The following LRRC37A2 variants were observed in gnomAD, a reference collection of about 807,000 sequenced individuals.
LRRC37A2 encodes leucine rich repeat containing 37 member A2.
LRRC37A2 carries 9 observed loss-of-function variants against 68.8 expected under a neutral mutation model. The ratio of observed to expected loss-of-function variants is 0.13; its 90% CI spans 0.08 to 0.23. The LOEUF is 0.23. Among genes scored for constraint, LRRC37A2 ranks in the 10% least tolerant of loss-of-function variants. The pLI is 1.00. For missense variants in LRRC37A2, 168 were observed against 950.4 expected (o/e 0.18, Z 10.82); for synonymous variants, 63 against 367.6 (o/e 0.17, Z 9.48).
At chr17:46,846,887 A>G in the LRRC37A2 span, among the ~76,000 whole-genome samples, 3 of 152,140 alleles carry the variant, frequency 2.0e-5, no homozygotes, top group African/African-American at 7.2e-5. Context: ...CCAAGATAGG[A>G]CAGGGGCCCT....
the LRRC37A2 span, among the ~76,000 whole-genome samples, chr17:46,766,823 T>G: frequency 2.0e-5 from 3 of 152,288 alleles, no homozygotes; most frequent in East Asian, 5.8e-4. Flanking sequence ...TTTCACAGGC[T>G]GCTCTCGCCC....
the LRRC37A2 span, among the ~76,000 whole-genome samples, chr17:46,800,836 G>A: frequency 1.3e-5 from 2 of 152,182 alleles, no homozygotes; most frequent in Non-Finnish European, 2.9e-5. Flanking sequence ...AAGGGCCTTT[G>A]CTGGGGCCGC....
At chr17:46,738,961 C>T in the LRRC37A2 span, among the ~76,000 whole-genome samples, 8 of 151,834 alleles carry the variant, frequency 5.3e-5, no homozygotes, top group African/African-American at 1.9e-4. Flanking sequence ...AAAGTCCAGG[C>T]ACGGTGGCTC....
the LRRC37A2 span, chr17:46,941,029 G>A: frequency 1.8e-6 from 2 of 1,095,678 alleles, no homozygotes; most frequent in Non-Finnish European, 2.2e-6. Flanking sequence ...TGAATTCTTA[G>A]GTCGAGCTGA....
At chr17:47,028,313 C>G in the LRRC37A2 span, 6 of 1,512,960 alleles carry the variant, frequency 4.0e-6, no homozygotes, top group Admixed American at 6.7e-5. Context: ...CAGAACTCAG[C>G]TTTGGAACAT....
the LRRC37A2 span, among the ~76,000 whole-genome samples, chr17:46,891,492 T>A: frequency 2.0e-5 from 3 of 152,286 alleles, no homozygotes; most frequent in East Asian, 3.9e-4. Context: ...CCCCACCATC[T>A]GCAACGTCCT....
chr17:46,649,525 T>G, the LRRC37A2 span, among the ~76,000 whole-genome samples: 2 of 151,458 alleles, frequency 1.3e-5, no homozygotes, highest in African/African-American at 4.9e-5. Context: ...CCATGACTCC[T>G]GAAGTGAAGC....
At chr17:46,978,651 C>T in the LRRC37A2 span, 1 of 1,603,388 alleles carries the variant, frequency 6.2e-7, no homozygotes. Context: ...GCGCTCAGTA[C>T]AGCCCCAGGA....
chr17:46,758,917 T>TG, the LRRC37A2 span, among the ~76,000 whole-genome samples: 1 of 152,122 alleles, frequency 6.6e-6, no homozygotes, highest in Non-Finnish European at 1.5e-5. Flanking sequence ...AAGAAGTGAC[T>TG]GGGGGCAGCC....
chr17:46,995,928 G>A, the LRRC37A2 span, among the ~76,000 whole-genome samples: 3 of 152,058 alleles, frequency 2.0e-5, no homozygotes, highest in Non-Finnish European at 4.4e-5. Flanking sequence ...TTCTGTCCTC[G>A]GCCCACCTCA....
chr17:46,756,343 A>G, the LRRC37A2 span: 1 of 152,398 alleles, frequency 6.6e-6, no homozygotes, highest in African/African-American at 2.4e-5. Flanking sequence ...CAAGACTGGT[A>G]TTCTCTTTGC....
chr17:46,769,758 G>A, the LRRC37A2 span: 1 of 1,607,164 alleles, frequency 6.2e-7, no homozygotes, highest in Non-Finnish European at 8.5e-7. Context: ...TCCCTGAAGG[G>A]TTTGGGGAGG....
the LRRC37A2 span, among the ~76,000 whole-genome samples, chr17:46,773,429 A>G: frequency 6.6e-6 from 1 of 152,098 alleles, no homozygotes. Flanking sequence ...AAAAGCCAGG[A>G]AGGAAGTCTG....
chr17:46,800,971 G>A, the LRRC37A2 span, among the ~76,000 whole-genome samples: 7 of 152,200 alleles, frequency 4.6e-5, no homozygotes, highest in African/African-American at 7.2e-5. Context: ...AGTGAGGTGT[G>A]CACGAGAACA....
chr17:46,847,513 C>T, the LRRC37A2 span, among the ~76,000 whole-genome samples: 129 of 152,290 alleles, frequency 8.5e-4, 1 homozygote, highest in East Asian at 0.022. Flanking sequence ...CTCAGCCAGT[C>T]ATCATAAGGC....
chr17:46,943,188 A>G, the LRRC37A2 span, among the ~76,000 whole-genome samples: 1 of 152,060 alleles, frequency 6.6e-6, no homozygotes, highest in East Asian at 1.9e-4. Context: ...CGTGGGAACC[A>G]CTTGCAGAGA....
the LRRC37A2 span, among the ~76,000 whole-genome samples, chr17:46,849,157 A>G: frequency 6.6e-6 from 1 of 152,226 alleles, no homozygotes; most frequent in African/African-American, 2.4e-5. Flanking sequence ...GGGCCACGCC[A>G]TTGGCTGGCA....
the LRRC37A2 span, chr17:47,034,896 C>G: frequency 6.6e-6 from 1 of 152,116 alleles, no homozygotes; most frequent in Non-Finnish European, 1.5e-5. Flanking sequence ...ATGTGGCACT[C>G]ACATTCTTTC....
At chr17:46,995,277 T>A in the LRRC37A2 span, among the ~76,000 whole-genome samples, 1 of 152,166 alleles carries the variant, frequency 6.6e-6, no homozygotes, top group Non-Finnish European at 1.5e-5. Context: ...GGGGTATAAA[T>A]GGCTACAGCC....
Sources: gnomAD v4.1 joint callset for allele counts (sites outside exome capture counted in the v4.1 genomes callset) on GRCh38, gnomAD v4.1.1 for gene constraint, MANE v1.5 for transcripts, NCBI Gene and HGNC (gene_info 2026-07-23, HGNC 2026-07-21) for gene names.